LY96: variants seen among roughly 807,000 people sequenced by gnomAD.
LY96 encodes myeloid differentiation protein-2.
In LY96, 18 loss-of-function variants were observed where a neutral mutation model predicts 18.9. The observed-to-expected ratio is 0.95, with a 90% confidence interval of 0.66 to 1.41. The LOEUF is 1.41. Among genes scored for constraint, LY96 ranks in the 40% most tolerant of loss-of-function variants. The probability of loss-of-function intolerance (pLI) is 0.00; values close to 1 mark genes in which losing one functional copy is unlikely to be tolerated. For missense variants in LY96, 175 were observed against 182.4 expected (o/e 0.96, Z 0.23); for synonymous variants, 66 against 62.6 (o/e 1.06, Z -0.26).
the LY96 span, among the ~76,000 whole-genome samples, chr8:74,041,741 G>C: frequency 1.3e-5 from 2 of 152,138 alleles, no homozygotes; most frequent in African/African-American, 4.8e-5. Flanking sequence ...AGGTCAGACC[G>C]GTTCTCTGCT....
At chr8:74,095,795 T>A in the LY96 span, among the ~76,000 whole-genome samples, 364 of 152,308 alleles carry the variant, frequency 2.4e-3, 1 homozygote, top group Non-Finnish European at 4.0e-3. Flanking sequence ...CACATGCTCT[T>A]GGAAATCTCA....
chr8:74,029,182 A>C, downstream of LY96: 1 of 629,020 alleles, frequency 1.6e-6, no homozygotes. Context: ...AAAGAAGCTT[A>C]TCCTCACAGA....
At chr8:74,071,033 C>T in the LY96 span, among the ~76,000 whole-genome samples, 1 of 152,030 alleles carries the variant, frequency 6.6e-6, no homozygotes, top group South Asian at 2.1e-4. Context: ...TATTCTCATC[C>T]CCATTTTAAA....
the LY96 span, among the ~76,000 whole-genome samples, chr8:74,034,084 C>G: frequency 6.6e-6 from 1 of 152,134 alleles, no homozygotes; most frequent in African/African-American, 2.4e-5. Flanking sequence ...ACTATAATTT[C>G]TCTTTAGGCT....
At chr8:74,035,972 T>G in the LY96 span, among the ~76,000 whole-genome samples, 1 of 152,232 alleles carries the variant, frequency 6.6e-6, no homozygotes, top group African/African-American at 2.4e-5. Context: ...GTATCCTGAT[T>G]ACCTAGGGCA....
chr8:74,055,305 T>G, the LY96 span, among the ~76,000 whole-genome samples: 1 of 150,802 alleles, frequency 6.6e-6, no homozygotes, highest in Admixed American at 6.6e-5. Context: ...AATTATTTAT[T>G]TATTTATTTA....
At chr8:74,018,718 ACTGT>A (rs748276659) in intron 3 of LY96, among the ~76,000 whole-genome samples, 51 of 152,316 alleles carry the variant, frequency 3.3e-4, no homozygotes, top group Non-Finnish European at 4.9e-4. Flanking sequence ...ATCACAACAA[ACTGT>A]CTTTCAGACC....
At chr8:73,996,325 C>T (rs1010974697) in intron 1 of LY96, among the ~76,000 whole-genome samples, 2 of 92,590 alleles carry the variant, frequency 2.2e-5, no homozygotes, top group African/African-American at 4.4e-5. Flanking sequence ...CTTTTCCTTC[C>T]TTCCTTCCTT....
chr8:74,084,851 G>A, the LY96 span, among the ~76,000 whole-genome samples: 1 of 152,146 alleles, frequency 6.6e-6, no homozygotes, highest in Non-Finnish European at 1.5e-5. Context: ...CTGACCTCAA[G>A]TGATCCGCCT....
chr8:74,092,066 C>T, the LY96 span, among the ~76,000 whole-genome samples: 1 of 152,160 alleles, frequency 6.6e-6, no homozygotes, highest in Admixed American at 6.5e-5. Context: ...TGCTTTGGGC[C>T]TTGCCTAAAA....
chr8:74,025,482 C>T (rs1028686798), intron 3 of LY96, among the ~76,000 whole-genome samples: 6 of 151,242 alleles, frequency 4.0e-5, no homozygotes, highest in African/African-American at 1.5e-4. Context: ...TAGAGAAACT[C>T]TGTCTCTACT....
At chr8:74,080,474 G>T in the LY96 span, among the ~76,000 whole-genome samples, 1 of 152,168 alleles carries the variant, frequency 6.6e-6, no homozygotes, top group Admixed American at 6.5e-5. Flanking sequence ...GCAATTCCAT[G>T]GCCAAGTGCA....
intron 3 of LY96, among the ~76,000 whole-genome samples, chr8:74,018,626 C>T (rs1373161528): frequency 1.3e-5 from 2 of 152,204 alleles, no homozygotes; most frequent in African/African-American, 2.4e-5. Flanking sequence ...ATACATTCTT[C>T]TCAGCACCAC....
intron 2 of LY96, among the ~76,000 whole-genome samples, chr8:74,007,821 G>A (rs529869673): frequency 5.9e-5 from 9 of 152,228 alleles, no homozygotes; most frequent in South Asian, 2.1e-4. Context: ...GTGCAGTGGC[G>A]TGATCTCGGC....
At chr8:74,045,961 G>A in the LY96 span, among the ~76,000 whole-genome samples, 1 of 152,136 alleles carries the variant, frequency 6.6e-6, no homozygotes, top group Non-Finnish European at 1.5e-5. Flanking sequence ...AGGGTAGAGA[G>A]CATCTGGAGG....
intron 4 of LY96, among the ~76,000 whole-genome samples, chr8:74,027,065 G>A (rs1816886596): frequency 6.6e-6 from 1 of 151,368 alleles, no homozygotes; most frequent in African/African-American, 2.4e-5. Flanking sequence ...TTAGCCTCCT[G>A]ACTAGCTGGG....
the LY96 span, among the ~76,000 whole-genome samples, chr8:74,065,396 T>C: frequency 6.6e-6 from 1 of 152,244 alleles, no homozygotes; most frequent in Non-Finnish European, 1.5e-5. Flanking sequence ...TTCAGCTATA[T>C]TTGCATTGTA....
intron 3 of LY96, among the ~76,000 whole-genome samples, chr8:74,021,128 C>G (rs1361322212): frequency 6.6e-6 from 1 of 152,190 alleles, no homozygotes; most frequent in African/African-American, 2.4e-5. Context: ...TCAGATTGAA[C>G]AGGCGACCTA....
At chr8:74,045,887 A>T in the LY96 span, among the ~76,000 whole-genome samples, 2 of 152,280 alleles carry the variant, frequency 1.3e-5, no homozygotes, top group African/African-American at 4.8e-5. Flanking sequence ...TAACCAGAAG[A>T]CAAGAGAGCC....
Sources: allele counts gnomAD v4.1 joint callset (sites outside exome capture counted in the v4.1 genomes callset), GRCh38; gene constraint gnomAD v4.1.1; transcripts MANE v1.5; gene names NCBI Gene and HGNC (gene_info 2026-07-23, HGNC 2026-07-21).